Variants in FAS observed in about 807,000 individuals in gnomAD.
FAS encodes tumor necrosis factor receptor superfamily member 6.
A neutral mutation model predicts 33.2 loss-of-function variants in FAS; 5 were observed. The ratio of observed to expected loss-of-function variants is 0.15; its 90% CI spans 0.08 to 0.32. FAS has a LOEUF of 0.32. FAS is among the 10% of genes least tolerant of loss of function. The probability of loss-of-function intolerance (pLI) is 1.00; values close to 1 mark genes in which losing one functional copy is unlikely to be tolerated. For synonymous variants in FAS, 131 were observed against 130.7 expected, an observed-to-expected ratio of 1.00 and a Z score of -0.01; for missense variants, 339 against 386.0, an observed-to-expected ratio of 0.88 and a Z score of 1.02.
intron 1 of FAS, among the ~76,000 whole-genome samples, chr10:88,971,400 T>C (rs1174834879): frequency 6.6e-6 from 1 of 152,240 alleles, no homozygotes; most frequent in Non-Finnish European, 1.5e-5. Context: ...CATGGAGCCA[T>C]CTGATTCTGT....
chr10:88,994,169 T>A (rs1180479194), intron 1 of FAS, among the ~76,000 whole-genome samples: 1 of 152,224 alleles, frequency 6.6e-6, no homozygotes, highest in Non-Finnish European at 1.5e-5. Context: ...AGGAGAAGTG[T>A]CAGTGTTTCA....
chr10:89,015,015 A>T lies in FAS; in HGVS notation c.*565A>T, dbSNP rs1051070. 0.076 allele frequency: 40,235 copies of T among 532,728 alleles called. 2,086 individuals carry two copies. Among genetic ancestry groups the T allele is most frequent in the Non-Finnish European group, 0.11 (30,616 of 275,248 alleles). 33.0% of individuals were successfully genotyped at this position (532,728 alleles called of 1,614,324 possible). A position where few individuals can be genotyped will look rare whatever the true frequency, so the allele number is the denominator to read the frequency against. The stretch of plus-strand genomic sequence containing the variant: ...ATTTAAATAAGGCTCTACCTCAAAG[A>T]CCTTTGCACAGTTTATTGGTGTCAT... On this transcript the variant is annotated 3_prime_UTR_variant, in exon 9 of 9. Transcript: ENST00000652046.
intron 1 of FAS, among the ~76,000 whole-genome samples, chr10:88,996,285 T>TG (rs1847585881): frequency 6.6e-6 from 1 of 151,918 alleles, no homozygotes; most frequent in African/African-American, 2.4e-5. Flanking sequence ...TTGTTTTTTT[T>TG]CATGTGAATG....
In FAS at chr10:89,015,481, C is replaced by A. The variant is rs932315214; in HGVS notation, c.*1031C>A. ...AACCTGCTACAAATGGCAGCTTATACATAGCAATGGTAAAATCATCATCTG... is the reference window on the plus strand; with the variant it reads ...AACCTGCTACAAATGGCAGCTTATAAATAGCAATGGTAAAATCATCATCTG... On this transcript the variant is annotated 3_prime_UTR_variant, in exon 9 of 9. Coordinates refer to ENST00000652046, the MANE Select transcript of FAS (RefSeq NM_000043.6). 5.6e-6 allele frequency: 3 copies of A among 534,272 alleles called. No homozygotes were observed. Among genetic ancestry groups the A allele is most frequent in the Admixed American group, 4.4e-5 (2 of 45,016 alleles). 33.1% of individuals were successfully genotyped at this position (534,272 alleles called of 1,614,324 possible). A position where few individuals can be genotyped will look rare whatever the true frequency, so the allele number is the denominator to read the frequency against.
At chr10:88,990,715 G>A (rs557366318), upstream of FAS, 144 of 797,788 alleles carry the variant, frequency 1.8e-4, no homozygotes, top group Admixed American at 9.2e-4. The surrounding 1 kb of genome is among the most constrained non-coding windows in gnomAD (Gnocchi z 4.9). Flanking sequence ...AGCGGTTTAC[G>A]AGTGACTTGG....
Position 89,011,095 on chromosome 10 carries a change from C to T in FAS, c.568+280C>T, listed in dbSNP as rs1571020. ...AGCAGAATTGGCCAAAAATCAGAAG[C>T]AATTCTTCACTATTCATTGAGATCT... On this transcript the variant is annotated intron_variant, in intron 6 of 8. Coordinates refer to ENST00000652046, the MANE Select transcript of FAS (RefSeq NM_000043.6). 0.74 allele frequency: 366,867 copies of T among 496,574 alleles called. 137,297 individuals are homozygous for T. The highest frequency in any genetic ancestry group is 0.96 in the East Asian group (26,626 of 27,646). The allele number at this position is 496,574 out of a possible 1,614,324, so 30.8% of individuals were successfully genotyped here.
Position 89,015,676 on chromosome 10 carries a change from G to C in FAS, c.*1226G>C, listed in dbSNP as rs959368912. On this transcript the variant is annotated 3_prime_UTR_variant, in exon 9 of 9. Coordinates refer to ENST00000652046, the MANE Select transcript of FAS (RefSeq NM_000043.6). ...GTGAAGATAGTTATAAACTGAAGCAGATACCTGGAACCACCTAAAGAACTT... is the reference window on the plus strand; with the variant it reads ...GTGAAGATAGTTATAAACTGAAGCACATACCTGGAACCACCTAAAGAACTT... 1 of 492,946 alleles carries C rather than the reference G, an allele frequency of 2.0e-6. No individual in the cohort carries two copies. The highest frequency in any genetic ancestry group is 2.5e-5 in the Admixed American group (1 of 40,030). The allele number at this position is 492,946 out of a possible 1,614,324, so 30.5% of individuals were successfully genotyped here.
Position 88,976,227 on chromosome 10 carries a change from T to C in FAS, n.260+2880T>C, listed in dbSNP as rs557768887. ...GCTAAAAAAAAAATCGCCAAAAATC[T>C]CATAATGTTTTAAGAAAGTTTACGA... On this transcript the variant is annotated intron_variant and non_coding_transcript_variant, in intron 2 of 3. Transcript: ENST00000688239. Among the ~76,000 whole-genome samples the C allele has an allele frequency of 9.4e-4, 143 of 152,208 alleles. 1 individual carries two copies. The highest frequency in any genetic ancestry group is 3.3e-3 in the African/African-American group (135 of 41,516).
Position 89,015,914 on chromosome 10 carries a change from T to G in FAS, c.*1464T>G, listed in dbSNP as rs9658781. On this transcript the variant is annotated 3_prime_UTR_variant, in exon 9 of 9. Coordinates refer to ENST00000652046, the MANE Select transcript of FAS (RefSeq NM_000043.6). ...TTAGAAGGTACTTCCTTTTTAACCTTAACCCTTTTAGTAGTTAAATAATTA... is the reference window on the plus strand; with the variant it reads ...TTAGAAGGTACTTCCTTTTTAACCTGAACCCTTTTAGTAGTTAAATAATTA... 2 of 308,572 alleles carry G rather than the reference T, an allele frequency of 6.5e-6. No individual in the cohort carries two copies. The allele number at this position is 308,572 out of a possible 1,614,324, so 19.1% of individuals were successfully genotyped here. A position where few individuals can be genotyped will look rare whatever the true frequency, so the allele number is the denominator to read the frequency against.
At chr10:88,992,933 G>A (rs1461732752) in intron 1 of FAS, among the ~76,000 whole-genome samples, 3 of 152,186 alleles carry the variant, frequency 2.0e-5, no homozygotes, top group African/African-American at 7.2e-5. Context: ...TTTCTTAGTA[G>A]TAGCAATAAA....
At chr10:88,984,886 TA>T (rs1325312531), upstream of FAS, among the ~76,000 whole-genome samples, 3 of 152,312 alleles carry the variant, frequency 2.0e-5, no homozygotes, top group East Asian at 5.8e-4. Flanking sequence ...CTGGAAAGTT[TA>T]AAAAATATGG....
intron 2 of FAS, among the ~76,000 whole-genome samples, chr10:88,976,454 C>T (rs1486413014): frequency 6.6e-6 from 1 of 152,182 alleles, no homozygotes; most frequent in African/African-American, 2.4e-5. Flanking sequence ...TTATGAGGAT[C>T]ACGGAAAATG....
chr10:89,011,917 T>C lies in FAS; in HGVS notation c.569-82T>C, dbSNP rs180790096. The C allele has an allele frequency of 8.7e-4, 1,071 of 1,232,138 alleles. 11 individuals carry two copies. The South Asian group carries it at 0.011, about 13-fold the overall frequency. The allele number at this position is 1,232,138 out of a possible 1,614,324, so 76.3% of individuals were successfully genotyped here. Reference sequence around the variant, plus strand: ...GAATTTCTCCTTTTTCCTTCTTATATTTCTCTTAGTGTGAAAGTATGTTCT... The same window carrying C: ...GAATTTCTCCTTTTTCCTTCTTATACTTCTCTTAGTGTGAAAGTATGTTCT... On this transcript the variant is annotated intron_variant, in intron 6 of 8. Coordinates refer to ENST00000652046, the MANE Select transcript of FAS (RefSeq NM_000043.6).
At chr10:88,965,145 T>A (rs1406319766) in intron 1 of FAS, among the ~76,000 whole-genome samples, 1 of 152,196 alleles carries the variant, frequency 6.6e-6, no homozygotes, top group Non-Finnish European at 1.5e-5. Context: ...AATGCTCCAA[T>A]CACTCCAGTG....
At chr10:89,007,884 A>T in intron 3 of FAS, 47 bp downstream of exon 3, 3 of 1,610,776 alleles carry the variant, frequency 1.9e-6, no homozygotes, top group South Asian at 2.2e-5. Context: ...TTGGAATTTC[A>T]TGTAGAACCA....
chr10:88,979,624 A>G (rs1846660261), intron 2 of FAS, among the ~76,000 whole-genome samples: 1 of 150,584 alleles, frequency 6.6e-6, no homozygotes, highest in South Asian at 2.1e-4. Context: ...TTTTTTTTTT[A>G]ACAAGTCTAC....
At chr10:88,967,099 G>A (rs1402853091) in intron 1 of FAS, among the ~76,000 whole-genome samples, 1 of 152,208 alleles carries the variant, frequency 6.6e-6, no homozygotes, top group Non-Finnish European at 1.5e-5. Context: ...AGACCCTCGA[G>A]ATATCTTTGG....
intron 2 of FAS, among the ~76,000 whole-genome samples, chr10:88,977,062 G>A (rs1846580884): frequency 6.6e-6 from 1 of 152,208 alleles, no homozygotes; most frequent in Non-Finnish European, 1.5e-5. Context: ...TAATGCTTGT[G>A]TGGACTGAAT....
chr10:89,015,607 G>A lies in FAS; in HGVS notation c.*1157G>A, dbSNP rs912357982. The A allele has an allele frequency of 7.9e-6, 4 of 503,808 alleles. No homozygotes were observed. The highest frequency in any genetic ancestry group is 1.5e-5 in the Non-Finnish European group (4 of 263,706). 31.2% of individuals were successfully genotyped at this position (503,808 alleles called of 1,614,324 possible). On this transcript the variant is annotated 3_prime_UTR_variant, in exon 9 of 9. Coordinates refer to ENST00000652046, the MANE Select transcript of FAS (RefSeq NM_000043.6). ...ATATCTTTGAAAGTTTGTATTAAAT[G>A]TGAATTTTAAGAAATAATATTTATA...
Sources: allele counts gnomAD v4.1 joint callset (sites outside exome capture counted in the v4.1 genomes callset), GRCh38; gene constraint gnomAD v4.1.1; non-coding constraint Gnocchi (gnomAD v3.1); transcripts MANE v1.5; gene names NCBI Gene and HGNC (gene_info 2026-07-23, HGNC 2026-07-21).